Variants in BAZ1A observed in about 807,000 individuals in gnomAD.
The protein encoded by BAZ1A is bromodomain adjacent to zinc finger domain protein 1A.
Under a neutral mutation model 185.2 loss-of-function variants are expected in BAZ1A, and 50 were observed. That is an observed-to-expected ratio of 0.27 (90% CI 0.22 to 0.34). The LOEUF is 0.34. Among genes scored for constraint, BAZ1A ranks in the 10% least tolerant of loss-of-function variants. The pLI is 1.00. For synonymous variants in BAZ1A, 571 were observed against 615.6 expected (o/e 0.93, Z 1.07); for missense variants, 1,356 against 1,839.9 (o/e 0.74, Z 4.81).
At chr14:34,811,124 T>C (rs1314977242) in intron 4 of BAZ1A, 88 bp from the exon 5 acceptor site, 1 of 938,184 alleles carries the variant, frequency 1.1e-6, no homozygotes, top group Non-Finnish European at 1.6e-6. Flanking sequence ...GAATATACTA[T>C]AATAAAATCA....
intron 4 of BAZ1A, 99 bp from the exon 5 acceptor site, chr14:34,811,135 C>G: frequency 1.2e-6 from 1 of 869,558 alleles, no homozygotes; most frequent in Non-Finnish European, 1.7e-6. Context: ...AATAAAATCA[C>G]ATATTTCAAA....
intron 2 of BAZ1A, among the ~76,000 whole-genome samples, chr14:34,870,853 T>C (rs538367092): frequency 6.6e-6 from 1 of 152,320 alleles, no homozygotes; most frequent in South Asian, 2.1e-4. Context: ...AAGGAGGCTG[T>C]TGAAAGGACT....
intron 24 of BAZ1A, among the ~76,000 whole-genome samples, chr14:34,759,639 A>C (rs1319221303): frequency 1.3e-5 from 2 of 151,474 alleles, no homozygotes; most frequent in Non-Finnish European, 2.9e-5. Flanking sequence ...TCTCACTGGT[A>C]AAGTAAAAGA....
chr14:34,865,913 C>T (rs1344904556), intron 2 of BAZ1A, among the ~76,000 whole-genome samples: 1 of 152,122 alleles, frequency 6.6e-6, no homozygotes, highest in Non-Finnish European at 1.5e-5. Context: ...CTTAGCCAGA[C>T]ACGATGGCTC....
intron 10 of BAZ1A, among the ~76,000 whole-genome samples, chr14:34,795,347 T>G (rs1237953435): frequency 6.6e-6 from 1 of 151,904 alleles, no homozygotes; most frequent in Non-Finnish European, 1.5e-5. Context: ...ATTTGGACAC[T>G]TTGGCCATTT....
intron 6 of BAZ1A, 40 bp from the exon 7 acceptor site, chr14:34,803,028 T>C (rs372914223): frequency 6.4e-6 from 10 of 1,556,740 alleles, no homozygotes; most frequent in Non-Finnish European, 8.8e-6. Flanking sequence ...AATAACACAT[T>C]AGTAAACAAC....
At position 34,826,081 on chromosome 14, in the gene BAZ1A, C is replaced by T. The variant is rs757341462; in HGVS notation, c.468G>A (p.Val156=). The T allele has an allele frequency of 1.2e-6, 2 of 1,611,558 alleles. No homozygotes were observed. Among genetic ancestry groups the T allele is most frequent in the South Asian group, 1.1e-5 (1 of 90,562 alleles). The change falls in exon 4 of 27, where the codon GTG becomes GTA. Residue 156 remains valine, a synonymous_variant. Transcript: ENST00000360310. ...CACTGATGATAATAGTTTCTCCATC[C>T]ACACTGTTAACATGTCCATTAGCAA... The part of the protein sequence containing the change: ...NGFANGHVNS[V]DGETIIISDS...
chr14:34,808,769 C>T (rs2041887733), intron 5 of BAZ1A, among the ~76,000 whole-genome samples: 1 of 152,102 alleles, frequency 6.6e-6, no homozygotes, highest in Non-Finnish European at 1.5e-5. Flanking sequence ...GAGTACCAAA[C>T]ACCACCACAA....
At chr14:34,814,054 AAAG>A (rs1217400603) in intron 4 of BAZ1A, among the ~76,000 whole-genome samples, 4 of 151,514 alleles carry the variant, frequency 2.6e-5, no homozygotes, top group Non-Finnish European at 5.9e-5. Flanking sequence ...AAAAAAAAAA[AAAG>A]AAAGAAAATT....
intron 3 of BAZ1A, among the ~76,000 whole-genome samples, chr14:34,849,741 C>A (rs150504579): frequency 1.3e-5 from 2 of 152,222 alleles, no homozygotes; most frequent in African/African-American, 4.8e-5. Context: ...TTATACCAAC[C>A]CGCCAGTAGA....
rs545950297 is a variant in BAZ1A, at chr14:34,822,508, C to T, written c.536+3505G>A. The stretch of plus-strand genomic sequence containing the variant: ...GGCATGGGTGGTGTGCACCTGTAGT[C>T]CCAGTTACTAGGAAAGCTGGCTTGA... On this transcript the variant is annotated intron_variant, in intron 4 of 26. Coordinates refer to ENST00000360310, the MANE Select transcript of BAZ1A (RefSeq NM_013448.3). 2.3e-3 allele frequency among the ~76,000 whole-genome samples: 345 copies of T among 151,974 alleles called. 1 individual carries two copies. Among genetic ancestry groups the T allele is most frequent in the Non-Finnish European group, 3.3e-3 (222 of 67,988 alleles).
chr14:34,758,617 T>C (rs758324345), intron 25 of BAZ1A, 87 bp downstream of exon 25: 8 of 1,311,454 alleles, frequency 6.1e-6, no homozygotes, highest in Non-Finnish European at 7.4e-6. Context: ...AGACAGTGAG[T>C]AACAGGTGTT....
chr14:34,776,550 AT>A, intron 17 of BAZ1A, 35 bp from the exon 18 acceptor site: 1 of 1,505,538 alleles, frequency 6.6e-7, no homozygotes, highest in Non-Finnish European at 8.9e-7. Flanking sequence ...TCATCATCAT[AT>A]TTCAAGTTTC....
intron 17 of BAZ1A, 95 bp from the exon 18 acceptor site, chr14:34,776,610 T>G: frequency 4.1e-6 from 4 of 978,162 alleles, no homozygotes; most frequent in East Asian, 2.5e-5. Flanking sequence ...TTAGGTGTTA[T>G]GAACTAAACT....
intron 3 of BAZ1A, among the ~76,000 whole-genome samples, chr14:34,852,856 G>A (rs2042618236): frequency 6.6e-6 from 1 of 152,148 alleles, no homozygotes; most frequent in Non-Finnish European, 1.5e-5. Context: ...ATAAATGGCA[G>A]AACCCAAAAC....
chr14:34,792,684 TA>T, intron 12 of BAZ1A, 90 bp downstream of exon 12: 1 of 1,421,014 alleles, frequency 7.0e-7, no homozygotes, highest in Non-Finnish European at 9.7e-7. Context: ...TTTATAAGCA[TA>T]AAAGCCAATT....
At chr14:34,756,464 C>CTTTTTTT (rs1343693112) in intron 25 of BAZ1A, among the ~76,000 whole-genome samples, 6 of 107,166 alleles carry the variant, frequency 5.6e-5, no homozygotes, top group South Asian at 3.3e-4. Flanking sequence ...GCCAGAATAC[C>CTTTTTTT]TATTTTTTTT....
rs112735113 is a variant in BAZ1A at position 34,762,484 on chromosome 14, A to ATT, written c.3777-263_3777-262dup. ...TTTTATGTTTTCTTTTCTTTTCTTTATTTTTTTTTTTTGAGACAGAGTATC... is the reference window on the plus strand; with the variant it reads ...TTTTATGTTTTCTTTTCTTTTCTTTATTTTTTTTTTTTTTGAGACAGAGTATC... On this transcript the variant is annotated intron_variant, in intron 23 of 26. Coordinates refer to ENST00000360310, the MANE Select transcript of BAZ1A (RefSeq NM_013448.3). Among the ~76,000 whole-genome samples, 631 of 145,418 alleles carry ATT rather than the reference A, an allele frequency of 4.3e-3. 2 individuals are homozygous for ATT. Among genetic ancestry groups the ATT allele is most frequent in the South Asian group, 0.01 (47 of 4,662 alleles).
chr14:34,785,725 A>G lies in BAZ1A; in HGVS notation c.1831+52T>C, dbSNP rs754300247. ...TCATCAGCTCCTTAGTTTTCTGGGC[A>G]TAAGAGGGAGGAAGTGGGCAGGTTA... On this transcript the variant is annotated intron_variant, in intron 14 of 26. Coordinates refer to ENST00000360310, the MANE Select transcript of BAZ1A (RefSeq NM_013448.3). 9.2e-6 allele frequency: 14 copies of G among 1,524,154 alleles called. No homozygotes were observed. In the Admixed American group the frequency reaches 1.3e-4, roughly 15 times the overall value. The allele number at this position is 1,524,154 out of a possible 1,614,324, so 94.4% of individuals were successfully genotyped here.
Sources: allele counts gnomAD v4.1 joint callset (sites outside exome capture counted in the v4.1 genomes callset), GRCh38; gene constraint gnomAD v4.1.1; transcripts MANE v1.5; gene names NCBI Gene and HGNC (gene_info 2026-07-23, HGNC 2026-07-21).